The following EXOC4 variants were observed in gnomAD, a reference collection of about 807,000 sequenced individuals.
EXOC4 encodes the protein SEC8-like 1.
In EXOC4, 71 loss-of-function variants were observed where a neutral mutation model predicts 107.2. That is an observed-to-expected ratio of 0.66 (90% confidence interval 0.55 to 0.81). The LOEUF (loss-of-function observed/expected upper bound fraction) is 0.81. EXOC4 is among the 30% of genes least tolerant of loss of function. EXOC4 has a pLI of 0.00. For missense variants in EXOC4, 1,108 were observed against 1,189.6 expected (o/e 0.93, Z 1.01); for synonymous variants, 456 against 441.2 (o/e 1.03, Z -0.42).
intron 6 of EXOC4, among the ~76,000 whole-genome samples, chr7:133,364,476 A>G (rs1031310301): frequency 6.6e-6 from 1 of 152,058 alleles, no homozygotes; most frequent in Non-Finnish European, 1.5e-5. Flanking sequence ...AAAGATGCAA[A>G]TAAGGTCATT....
chr7:133,310,155 T>C (rs747393850), intron 4 of EXOC4, among the ~76,000 whole-genome samples: 5 of 152,224 alleles, frequency 3.3e-5, no homozygotes, highest in Non-Finnish European at 5.9e-5. Context: ...AATCTAGATA[T>C]GTATATTTAA....
rs77709047 is a variant in EXOC4 at position 133,403,952 on chromosome 7, C to T, written c.1182+28950C>T. Among the ~76,000 whole-genome samples the T allele has an allele frequency of 3.3e-5, 5 of 152,244 alleles. No individual in the cohort carries two copies. The East Asian group carries it at 9.6e-4, about 29-fold the overall frequency. On this transcript the variant is annotated intron_variant, in intron 7 of 17. Coordinates refer to ENST00000253861, the MANE Select transcript of EXOC4 (RefSeq NM_021807.4). ...AATCCTCTTAAGTCTCTCTGTCTCTCTCTAAGACCACAGCTTTAGTTCAGG... is the reference window on the plus strand; with the variant it reads ...AATCCTCTTAAGTCTCTCTGTCTCTTTCTAAGACCACAGCTTTAGTTCAGG...
intron 10 of EXOC4, among the ~76,000 whole-genome samples, chr7:133,739,219 G>GGGGTGT (rs1795509742): frequency 3.0e-5 from 3 of 101,440 alleles, no homozygotes; most frequent in Non-Finnish European, 6.3e-5. Context: ...CATGTAGAGG[G>GGGGTGT]GTTTGTGTGT....
intron 17 of EXOC4, among the ~76,000 whole-genome samples, chr7:134,050,653 A>G (rs1167109569): frequency 6.6e-6 from 1 of 152,174 alleles, no homozygotes; most frequent in Non-Finnish European, 1.5e-5. Context: ...GCCAAAAAGT[A>G]CTAAGTATTA....
intron 16 of EXOC4, among the ~76,000 whole-genome samples, chr7:134,005,515 A>C (rs1423483548): frequency 6.6e-6 from 1 of 152,208 alleles, no homozygotes. Context: ...ATCATCTGGA[A>C]AGAACAGAAG....
At chr7:133,837,237 A>G (rs1797937095) in intron 11 of EXOC4, among the ~76,000 whole-genome samples, 1 of 152,202 alleles carries the variant, frequency 6.6e-6, no homozygotes, top group Non-Finnish European at 1.5e-5. Flanking sequence ...ACTGTCCTCT[A>G]GGAGGGTTCA....
chr7:133,841,713 G>A (rs1420751749), intron 11 of EXOC4, among the ~76,000 whole-genome samples: 2 of 152,074 alleles, frequency 1.3e-5, no homozygotes, highest in Non-Finnish European at 2.9e-5. Flanking sequence ...TTGTTATATA[G>A]GTAAATTGCA....
intron 9 of EXOC4, among the ~76,000 whole-genome samples, chr7:133,496,254 C>T (rs1799475261): frequency 6.6e-6 from 1 of 152,090 alleles, no homozygotes; most frequent in Non-Finnish European, 1.5e-5. Context: ...TCCTGGACAT[C>T]AGGTGATCTT....
intron 9 of EXOC4, among the ~76,000 whole-genome samples, chr7:133,625,480 A>G (rs2151010491): frequency 6.6e-6 from 1 of 152,340 alleles, no homozygotes; most frequent in East Asian, 1.9e-4. Flanking sequence ...TTCAGTGAGA[A>G]TCCTGTTTCT....
chr7:134,100,098 A>G, the EXOC4 span, among the ~76,000 whole-genome samples: 7 of 152,024 alleles, frequency 4.6e-5, no homozygotes, highest in South Asian at 1.5e-3. Context: ...AAAAATATGC[A>G]TTTTTCTTGC....
chr7:133,808,928 C>G (rs899453868), intron 10 of EXOC4, among the ~76,000 whole-genome samples: 1 of 152,108 alleles, frequency 6.6e-6, no homozygotes, highest in East Asian at 1.9e-4. Flanking sequence ...GCCCATATCT[C>G]TCCTGAAAAG....
intron 13 of EXOC4, among the ~76,000 whole-genome samples, chr7:133,924,231 C>T (rs551654038): frequency 2.0e-5 from 3 of 152,280 alleles, no homozygotes; most frequent in South Asian, 2.1e-4. Context: ...TTAATAGTTG[C>T]GCTACAAGCA....
chr7:134,055,300 G>A (rs745499884), intron 17 of EXOC4, among the ~76,000 whole-genome samples: 28 of 152,246 alleles, frequency 1.8e-4, no homozygotes, highest in Middle Eastern at 3.4e-3. Context: ...CAGTCCTTGC[G>A]TCTTAAGACT....
intron 9 of EXOC4, among the ~76,000 whole-genome samples, chr7:133,610,580 C>T (rs1802053987): frequency 6.6e-6 from 1 of 152,130 alleles, no homozygotes; most frequent in South Asian, 2.1e-4. Context: ...TTCCTCCCCA[C>T]ACCTCCATTT....
chr7:133,608,403 C>G (rs957602742), intron 9 of EXOC4, among the ~76,000 whole-genome samples: 1 of 151,534 alleles, frequency 6.6e-6, no homozygotes, highest in African/African-American at 2.4e-5. Flanking sequence ...GAGATTTAGG[C>G]GTTATACTGA....
At chr7:133,412,288 T>TTTTTG (rs1797378226) in intron 7 of EXOC4, among the ~76,000 whole-genome samples, 2 of 146,598 alleles carry the variant, frequency 1.4e-5, no homozygotes, top group South Asian at 4.4e-4. Flanking sequence ...GTTTTTTTTT[T>TTTTTG]TTTTTTTTTT....
At chr7:133,692,516 G>T (rs1346310477) in intron 10 of EXOC4, among the ~76,000 whole-genome samples, 1 of 152,184 alleles carries the variant, frequency 6.6e-6, no homozygotes, top group Admixed American at 6.5e-5. Context: ...AATTATTGTT[G>T]TGTGAATGGG....
chr7:133,275,350 C>T (rs766907873), intron 2 of EXOC4, among the ~76,000 whole-genome samples, 179 bp downstream of exon 2: 2 of 152,066 alleles, frequency 1.3e-5, no homozygotes, highest in Non-Finnish European at 2.9e-5. Flanking sequence ...AAGGCATCCT[C>T]GGCTGATTTC....
rs565123252 is a variant in EXOC4, at chr7:133,860,470, G to A, written c.1735-35129G>A. ...GACAATGAAAAACTTTACTACTGGTGACTCCAGAGATGGCAGTGTGTGAAA... is the reference window on the plus strand; with the variant it reads ...GACAATGAAAAACTTTACTACTGGTAACTCCAGAGATGGCAGTGTGTGAAA... On this transcript the variant is annotated intron_variant, in intron 11 of 17. Transcript: ENST00000253861. Among the ~76,000 whole-genome samples, 7 of 152,336 alleles carry A rather than the reference G, an allele frequency of 4.6e-5. No homozygotes were observed. In the South Asian group the frequency reaches 6.2e-4, roughly 14 times the overall value.
Sources: gnomAD v4.1 joint callset for allele counts (sites outside exome capture counted in the v4.1 genomes callset) on GRCh38, gnomAD v4.1.1 for gene constraint, MANE v1.5 for transcripts, NCBI Gene and HGNC (gene_info 2026-07-23, HGNC 2026-07-21) for gene names.